The following GPR158 variants were observed in gnomAD, a reference collection of about 807,000 sequenced individuals.
GPR158 encodes G protein-coupled receptor 158.
Under a neutral mutation model 78.2 loss-of-function variants are expected in GPR158, and 30 were observed. The ratio of observed to expected loss-of-function variants is 0.38; its 90% CI spans 0.29 to 0.52. The LOEUF is 0.52. GPR158 is among the 20% of genes least tolerant of loss of function. The probability of loss-of-function intolerance (pLI) is 0.83; values close to 1 mark genes in which losing one functional copy is unlikely to be tolerated. For missense variants in GPR158, 1,463 were observed against 1,523.5 expected (o/e 0.96, Z 0.66); for synonymous variants, 581 against 591.1 (o/e 0.98, Z 0.25).
chr10:25,344,243 T>C (rs918411148), intron 2 of GPR158, among the ~76,000 whole-genome samples: 1 of 151,992 alleles, frequency 6.6e-6, no homozygotes, highest in African/African-American at 2.4e-5. Flanking sequence ...AAAGATTATA[T>C]TAACAAATTA....
chr10:25,363,719 A>G (rs1051212931), intron 2 of GPR158, among the ~76,000 whole-genome samples: 1 of 151,898 alleles, frequency 6.6e-6, no homozygotes. Context: ...GGATCCTGCT[A>G]TGTGGTGCCT....
chr10:25,461,266 G>A (rs1457013471), intron 4 of GPR158, among the ~76,000 whole-genome samples: 1 of 152,164 alleles, frequency 6.6e-6, no homozygotes, highest in Non-Finnish European at 1.5e-5. Context: ...TAGGCCTCTT[G>A]CACTAACTAG....
chr10:25,296,752 C>T (rs1173563228), intron 2 of GPR158, among the ~76,000 whole-genome samples: 1 of 152,076 alleles, frequency 6.6e-6, no homozygotes, highest in Non-Finnish European at 1.5e-5. Context: ...CTATTATTAT[C>T]TTCATTTTAC....
intron 5 of GPR158, among the ~76,000 whole-genome samples, chr10:25,483,133 T>C (rs1835681340): frequency 6.6e-6 from 1 of 151,994 alleles, no homozygotes; most frequent in Non-Finnish European, 1.5e-5. Flanking sequence ...TTCAACACAG[T>C]AGCAAGAAAT....
chr10:25,396,652 T>C (rs1040918109), intron 3 of GPR158, among the ~76,000 whole-genome samples: 1 of 152,126 alleles, frequency 6.6e-6, no homozygotes, highest in Non-Finnish European at 1.5e-5. Flanking sequence ...AATAATACAA[T>C]GCAGAGATCA....
chr10:25,272,509 G>A (rs191266556), intron 2 of GPR158, among the ~76,000 whole-genome samples: 1 of 152,068 alleles, frequency 6.6e-6, no homozygotes, highest in East Asian at 1.9e-4. Flanking sequence ...CCCACCTCTT[G>A]TTTACGTGCC....
intron 1 of GPR158, among the ~76,000 whole-genome samples, chr10:25,220,709 C>T (rs1853288163): frequency 6.6e-6 from 1 of 152,150 alleles, no homozygotes. Flanking sequence ...AGAAGGGGTT[C>T]TGAGAGCAAG....
At chr10:25,293,253 A>G (rs1023872086) in intron 2 of GPR158, among the ~76,000 whole-genome samples, 35 of 152,196 alleles carry the variant, frequency 2.3e-4, no homozygotes, top group African/African-American at 8.2e-4. Flanking sequence ...CTGTAGGTGG[A>G]AAAACCTTTG....
At chr10:25,288,729 A>G (rs561203352) in intron 2 of GPR158, among the ~76,000 whole-genome samples, 4 of 152,308 alleles carry the variant, frequency 2.6e-5, no homozygotes, top group East Asian at 3.9e-4. Flanking sequence ...GGAATTTTCT[A>G]TCAAAAGGCT....
At chr10:25,281,629 T>G (rs1854276328) in intron 2 of GPR158, among the ~76,000 whole-genome samples, 1 of 151,688 alleles carries the variant, frequency 6.6e-6, no homozygotes, top group South Asian at 2.1e-4. Context: ...ATATCAAAAA[T>G]TTGGGATGTA....
chr10:25,284,310 G>T (rs906050607), intron 2 of GPR158, among the ~76,000 whole-genome samples: 4 of 151,904 alleles, frequency 2.6e-5, no homozygotes, highest in African/African-American at 9.7e-5. Context: ...GGTGTTAGTT[G>T]CATGTATATA....
chr10:25,370,544 A>T (rs2130548223), intron 2 of GPR158, among the ~76,000 whole-genome samples: 1 of 139,180 alleles, frequency 7.2e-6, no homozygotes, highest in East Asian at 2.0e-4. Context: ...AGTTTGTTAT[A>T]ATTTCTGTTC....
intron 4 of GPR158, among the ~76,000 whole-genome samples, chr10:25,453,764 C>G (rs1835254641): frequency 6.6e-6 from 1 of 152,148 alleles, no homozygotes; most frequent in Non-Finnish European, 1.5e-5. Flanking sequence ...TTTCTGGGCT[C>G]TCAATTCTGT....
At chr10:25,292,505 C>A (rs1472291152) in intron 2 of GPR158, among the ~76,000 whole-genome samples, 1 of 146,130 alleles carries the variant, frequency 6.8e-6, no homozygotes, top group Non-Finnish European at 1.5e-5. Flanking sequence ...TTCAATGCAA[C>A]CTTCCAGCAC....
Position 25,594,414 on chromosome 10 carries a change from A to C in GPR158, c.1998+17A>C. The C allele has an allele frequency of 8.3e-7, 1 of 1,211,444 alleles. No individual in the cohort carries two copies. Among genetic ancestry groups the C allele is most frequent in the Non-Finnish European group, 1.2e-6 (1 of 845,510 alleles). The allele number at this position is 1,211,444 out of a possible 1,614,324, so 75.0% of individuals were successfully genotyped here. A position where few individuals can be genotyped will look rare whatever the true frequency, so the allele number is the denominator to read the frequency against. ...ATTCCAAAGGTATTCTTCTAATATT[A>C]CTTTTTTTTTTGCAAAACTTATTTT... On this transcript the variant is annotated intron_variant, in intron 9 of 10. Transcript: ENST00000376351.
intron 1 of GPR158, among the ~76,000 whole-genome samples, chr10:25,192,796 T>A (rs951694253): frequency 6.0e-5 from 9 of 149,262 alleles, no homozygotes; most frequent in Non-Finnish European, 8.9e-5. Flanking sequence ...TAAAAAAAAA[T>A]AAAAATCGAA....
chr10:25,490,684 G>C (rs1024345004), intron 5 of GPR158, among the ~76,000 whole-genome samples: 1 of 139,970 alleles, frequency 7.1e-6, no homozygotes, highest in Non-Finnish European at 1.5e-5. Flanking sequence ...TCTTAATCCA[G>C]TCTATCATTG....
chr10:25,540,653 G>A (rs1299864645), intron 5 of GPR158, among the ~76,000 whole-genome samples: 3 of 151,912 alleles, frequency 2.0e-5, no homozygotes, highest in Admixed American at 2.0e-4. Flanking sequence ...GGACATGGAT[G>A]AAGCTGGAAA....
chr10:25,305,077 C>G (rs898921080), intron 2 of GPR158, among the ~76,000 whole-genome samples: 1 of 152,188 alleles, frequency 6.6e-6, no homozygotes, highest in Non-Finnish European at 1.5e-5. Context: ...GAATGAAGCA[C>G]AGTTTGAAAA....
Sources: allele counts gnomAD v4.1 joint callset (sites outside exome capture counted in the v4.1 genomes callset), GRCh38; gene constraint gnomAD v4.1.1; transcripts MANE v1.5; gene names NCBI Gene and HGNC (gene_info 2026-07-23, HGNC 2026-07-21).